Variants in LDLRAD3 observed in about 807,000 individuals in gnomAD.
The protein encoded by LDLRAD3 is low-density lipoprotein receptor class A domain-containing protein 3.
A neutral mutation model predicts 29.4 loss-of-function variants in LDLRAD3; 20 were observed. That is an observed-to-expected ratio of 0.68 (90% CI 0.48 to 0.99). The LOEUF (loss-of-function observed/expected upper bound fraction) is 0.99. Ranked by LOEUF, LDLRAD3 falls within the 50% of genes least tolerant of loss-of-function variation. The pLI, the probability that LDLRAD3 is intolerant of heterozygous loss-of-function variation, is 0.00. For missense variants in LDLRAD3, 420 were observed against 454.3 expected, an observed-to-expected ratio of 0.92 and a Z score of 0.69; for synonymous variants, 157 against 192.7, an observed-to-expected ratio of 0.81 and a Z score of 1.53.
At chr11:36,224,628 T>C (rs1402492309) in intron 4 of LDLRAD3, among the ~76,000 whole-genome samples, 2 of 152,338 alleles carry the variant, frequency 1.3e-5, no homozygotes, top group African/African-American at 4.8e-5. Context: ...CAATGAATCA[T>C]TGAAAGAGTG....
intron 1 of LDLRAD3, among the ~76,000 whole-genome samples, chr11:35,974,191 C>T (rs1165799839): frequency 6.6e-6 from 1 of 152,164 alleles, no homozygotes; most frequent in East Asian, 1.9e-4. Flanking sequence ...CTTCCTCACT[C>T]CAAAATTACA....
At chr11:36,092,124 A>T (rs1853292022) in intron 3 of LDLRAD3, among the ~76,000 whole-genome samples, 1 of 152,188 alleles carries the variant, frequency 6.6e-6, no homozygotes, top group Non-Finnish European at 1.5e-5. Flanking sequence ...GACGTATCGA[A>T]TCTTGGCTTT....
chr11:35,970,990 T>C lies in LDLRAD3; in HGVS notation c.46+26846T>C, dbSNP rs567406377. Among the ~76,000 whole-genome samples, 5 of 152,136 alleles carry C rather than the reference T, an allele frequency of 3.3e-5. No individual in the cohort carries two copies. In the East Asian group the frequency reaches 9.7e-4, roughly 29 times the overall value. The stretch of plus-strand genomic sequence containing the variant: ...AGCATGGGGTGGAGTATGCCATCTC[T>C]CCCTGGTGCTCAGCCAGGCCTGTGG... On this transcript the variant is annotated intron_variant, in intron 1 of 5. Transcript: ENST00000315571.
In LDLRAD3 at chr11:36,204,965, C is replaced by T. The variant is rs548680519; in HGVS notation, c.455-22120C>T. ...AGCACCTATGACAACAGGCTGGAGC[C>T]GCCTATTCTTGCCCCCGCCCTAATG... On this transcript the variant is annotated intron_variant, in intron 4 of 5. Coordinates refer to ENST00000315571, the MANE Select transcript of LDLRAD3 (RefSeq NM_174902.4). Among the ~76,000 whole-genome samples the T allele has an allele frequency of 1.2e-4, 19 of 152,282 alleles. No individual in the cohort carries two copies. The East Asian group carries it at 1.4e-3, about 11-fold the overall frequency.
intron 2 of LDLRAD3, among the ~76,000 whole-genome samples, chr11:36,077,030 G>A (rs1853023189): frequency 6.6e-6 from 1 of 152,016 alleles, no homozygotes; most frequent in Admixed American, 6.6e-5. Flanking sequence ...GATTTTAAGT[G>A]TTTATTTTTG....
intron 4 of LDLRAD3, among the ~76,000 whole-genome samples, chr11:36,178,845 T>G (rs1308405000): frequency 1.3e-5 from 2 of 152,204 alleles, no homozygotes; most frequent in Admixed American, 6.5e-5. Context: ...ATACTGCTTT[T>G]CCATCACTTA....
chr11:36,112,545 C>A (rs1156414064), intron 4 of LDLRAD3, among the ~76,000 whole-genome samples: 1 of 152,212 alleles, frequency 6.6e-6, no homozygotes, highest in Non-Finnish European at 1.5e-5. Context: ...AAGACACCTC[C>A]CTGCCATCTC....
At chr11:36,110,451 C>T (rs1176285634) in intron 4 of LDLRAD3, among the ~76,000 whole-genome samples, 3 of 152,124 alleles carry the variant, frequency 2.0e-5, no homozygotes, top group East Asian at 1.9e-4. Context: ...TCAGAGCAGT[C>T]AGGGATCAGG....
intron 4 of LDLRAD3, among the ~76,000 whole-genome samples, chr11:36,158,156 A>G (rs1008247662): frequency 4.6e-5 from 7 of 152,288 alleles, no homozygotes; most frequent in East Asian, 3.9e-4. Flanking sequence ...CTGATGTTGA[A>G]AAAACATTCC....
intron 4 of LDLRAD3, chr11:36,163,675 A>C (rs1427923927): frequency 8.1e-6 from 1 of 123,190 alleles, no homozygotes; most frequent in Non-Finnish European, 1.6e-5. Flanking sequence ...TCTTCCAAAG[A>C]GGGATGTGTG....
At chr11:36,015,150 C>T (rs76990305) in intron 1 of LDLRAD3, among the ~76,000 whole-genome samples, 2,534 of 152,324 alleles carry the variant, frequency 0.017, 60 homozygotes, top group East Asian at 0.11. Context: ...TAGATGCCAC[C>T]GCAGAGCCTT....
At chr11:36,078,114 G>T (rs769326870) in intron 2 of LDLRAD3, among the ~76,000 whole-genome samples, 2 of 152,122 alleles carry the variant, frequency 1.3e-5, no homozygotes, top group Non-Finnish European at 1.5e-5. Flanking sequence ...CTCAAGTCTG[G>T]CTGAGTCCGG....
chr11:36,093,999 G>A (rs902535195), intron 3 of LDLRAD3, among the ~76,000 whole-genome samples: 6 of 152,230 alleles, frequency 3.9e-5, no homozygotes, highest in African/African-American at 1.4e-4. Flanking sequence ...AATAGGTGAT[G>A]GTGGGGATCC....
rs776552143 is a variant in LDLRAD3, at chr11:36,074,699, A to G, written c.194-6954A>G. ...ACTCTCAGCGTAGATGGCAAAGCCT[A>G]TAAGCATTCTTCCCTCATCCCTCAA... On this transcript the variant is annotated intron_variant, in intron 2 of 5. Coordinates refer to ENST00000315571, the MANE Select transcript of LDLRAD3 (RefSeq NM_174902.4). Among the ~76,000 whole-genome samples, 4 of 152,202 alleles carry G rather than the reference A, an allele frequency of 2.6e-5. No homozygotes were observed. The South Asian group carries it at 6.2e-4, about 24-fold the overall frequency.
rs57687795 is a variant in LDLRAD3, at chr11:36,128,117, C to CATATATATATATATATATATATATATAT, written c.454+29674_454+29675insATATATATATATATATATATATATATAT. On this transcript the variant is annotated intron_variant, in intron 4 of 5. Coordinates refer to ENST00000315571, the MANE Select transcript of LDLRAD3 (RefSeq NM_174902.4). ...CGTATTGATGGCAGAGTTGTTTTTA[C>CATATATATATATATATATATATATATAT]ATATATATATATATATATGTATATG... is the stretch of plus-strand genomic sequence containing the variant. 9.2e-3 allele frequency among the ~76,000 whole-genome samples: 909 copies of CATATATATATATATATATATATATATAT among 98,330 alleles called. 45 individuals carry two copies. The highest frequency in any genetic ancestry group is 0.015 in the South Asian group (41 of 2,682). The allele number at this position is 98,330 out of a possible 152,430, so 64.5% of individuals were successfully genotyped here.
intron 4 of LDLRAD3, among the ~76,000 whole-genome samples, chr11:36,131,735 G>A (rs901912527): frequency 3.3e-5 from 5 of 152,210 alleles, no homozygotes; most frequent in Admixed American, 2.6e-4. Flanking sequence ...TTTTGTCCAA[G>A]CATGTAATAT....
At chr11:36,071,648 A>T (rs1852905624) in intron 2 of LDLRAD3, among the ~76,000 whole-genome samples, 2 of 152,244 alleles carry the variant, frequency 1.3e-5, no homozygotes, top group Non-Finnish European at 2.9e-5. Context: ...GCATTTAAGT[A>T]AAATTGCATG....
At chr11:36,098,772 A>G (rs1036863049) in intron 4 of LDLRAD3, among the ~76,000 whole-genome samples, 4 of 152,184 alleles carry the variant, frequency 2.6e-5, no homozygotes, top group Non-Finnish European at 2.9e-5. Context: ...TTCTGAGACA[A>G]CGCTTTATTG....
chr11:36,179,630 C>G (rs902268433), intron 4 of LDLRAD3, among the ~76,000 whole-genome samples: 1 of 152,154 alleles, frequency 6.6e-6, no homozygotes, highest in African/African-American at 2.4e-5. Context: ...TTGTGCAGAC[C>G]TAAGCAGCCT....
Sources: gnomAD v4.1 joint callset for allele counts (sites outside exome capture counted in the v4.1 genomes callset) on GRCh38, gnomAD v4.1.1 for gene constraint, MANE v1.5 for transcripts, NCBI Gene and HGNC (gene_info 2026-07-23, HGNC 2026-07-21) for gene names.